Variants in DLGAP1 observed in about 807,000 individuals in gnomAD.
DLGAP1 encodes the protein DLG associated protein 1.
Under a neutral mutation model 90.8 loss-of-function variants are expected in DLGAP1, and 11 were observed. That is an observed-to-expected ratio of 0.12 (90% CI 0.08 to 0.20). The LOEUF is 0.20. DLGAP1 is among the 10% of genes least tolerant of loss of function. DLGAP1 has a pLI of 1.00. For synonymous variants in DLGAP1, 558 were observed against 540.7 expected (o/e 1.03, Z -0.44); for missense variants, 1,050 against 1,333.8 (o/e 0.79, Z 3.31).
chr18:3,845,741 T>C (rs1268671001), intron 4 of DLGAP1: 3 of 367,290 alleles, frequency 8.2e-6, no homozygotes, highest in Admixed American at 6.5e-5. Flanking sequence ...TGCCTGATTG[T>C]CTGACTAGTG....
intron 2 of DLGAP1, among the ~76,000 whole-genome samples, chr18:4,103,099 A>C (rs970026206): frequency 6.6e-6 from 1 of 152,206 alleles, no homozygotes; most frequent in Non-Finnish European, 1.5e-5. Context: ...TGGCGGAGAA[A>C]GTGTTTCCAT....
At chr18:3,779,772 T>A (rs1263449790) in intron 5 of DLGAP1, among the ~76,000 whole-genome samples, 309 of 151,934 alleles carry the variant, frequency 2.0e-3, no homozygotes, top group Non-Finnish European at 3.7e-3. Context: ...CCCTTTTTTT[T>A]TTTTTACTCT....
chr18:4,208,161 A>C (rs1442438238), intron 1 of DLGAP1, among the ~76,000 whole-genome samples: 1 of 152,196 alleles, frequency 6.6e-6, no homozygotes, highest in Non-Finnish European at 1.5e-5. Flanking sequence ...AAAACATAAA[A>C]TCTCTGCCAT....
chr18:3,743,415 C>CAT (rs1211546981), intron 5 of DLGAP1, among the ~76,000 whole-genome samples: 1 of 151,384 alleles, frequency 6.6e-6, no homozygotes, highest in Non-Finnish European at 1.5e-5. Context: ...AGTGCAGTGG[C>CAT]GCAACTTTGG....
intron 1 of DLGAP1, among the ~76,000 whole-genome samples, chr18:4,444,859 A>G (rs1567929130): frequency 3.9e-5 from 6 of 152,232 alleles, no homozygotes; most frequent in Admixed American, 3.3e-4. Flanking sequence ...AAAAACTTTG[A>G]TATGTAAGAC....
chr18:3,534,255 G>T lies in DLGAP1; in HGVS notation c.2418C>A (p.Arg806=). The change falls in exon 10 of 13, where the codon CGC becomes CGA. Residue 806 remains arginine (R), a synonymous_variant. Transcript: ENST00000315677. The part of the protein sequence containing the change: ...FLKLLQAERD[R]MEGWCQQMER... ...CCATCTGTTGACACCACCCCTCCAT[G>T]CGGTCTCGCTCTGCCTGGAGAAGCT... is the stretch of plus-strand genomic sequence containing the variant. 3 of 1,614,232 alleles carry T rather than the reference G, an allele frequency of 1.9e-6. No individual in the cohort carries two copies. Among genetic ancestry groups the T allele is most frequent in the Non-Finnish European group, 2.5e-6 (3 of 1,180,036 alleles).
intron 5 of DLGAP1, 100 bp downstream of exon 5, chr18:3,813,959 G>A (rs1165324829): frequency 3.5e-6 from 4 of 1,155,444 alleles, no homozygotes; most frequent in Non-Finnish European, 5.2e-6. Flanking sequence ...TCCACCTGTA[G>A]GATGTTTCTG....
At chr18:3,740,681 C>T (rs1323259779) in intron 6 of DLGAP1, among the ~76,000 whole-genome samples, 1 of 152,020 alleles carries the variant, frequency 6.6e-6, no homozygotes, top group Non-Finnish European at 1.5e-5. Flanking sequence ...TTCATCTATA[C>T]CAGCACCACA....
intron 2 of DLGAP1, among the ~76,000 whole-genome samples, chr18:4,046,496 T>G (rs1374838347): frequency 6.6e-6 from 1 of 152,248 alleles, no homozygotes. Context: ...AGTTCTCAAC[T>G]ATGCCCAGGG....
rs114900172 is a variant in DLGAP1, at chr18:3,532,155, C to T, written c.2479+2039G>A. On this transcript the variant is annotated intron_variant, in intron 10 of 12. Coordinates refer to ENST00000315677, the MANE Select transcript of DLGAP1 (RefSeq NM_004746.4). ...CAGGTATGAGCCACCACACCTGGTG[C>T]TGGATTTTCTTAAAAATACTCTGAC... Among the ~76,000 whole-genome samples the T allele has an allele frequency of 7.5e-3, 1,138 of 151,964 alleles. 16 individuals carry two copies. Among genetic ancestry groups the T allele is most frequent in the African/African-American group, 0.026 (1,088 of 41,486 alleles).
chr18:3,818,842 C>A (rs28421540), intron 4 of DLGAP1, among the ~76,000 whole-genome samples: 98,094 of 150,394 alleles, frequency 0.65, 32,287 homozygotes, highest in Non-Finnish European at 0.71. Context: ...GATCTGCCTG[C>A]CTCGGCCTCC....
At chr18:3,630,864 C>CACA (rs966360071) in intron 7 of DLGAP1, among the ~76,000 whole-genome samples, 36 of 152,156 alleles carry the variant, frequency 2.4e-4, no homozygotes, top group African/African-American at 7.0e-4. Flanking sequence ...AAAACTAAAA[C>CACA]ACAACAACAA....
intron 4 of DLGAP1, among the ~76,000 whole-genome samples, chr18:3,851,900 A>T (rs530878537): frequency 6.6e-6 from 1 of 152,278 alleles, no homozygotes; most frequent in African/African-American, 2.4e-5. Context: ...TTACTGGTAC[A>T]CTGCTGGAGG....
At chr18:4,018,109 T>C (rs1030975344) in intron 2 of DLGAP1, among the ~76,000 whole-genome samples, 1 of 152,200 alleles carries the variant, frequency 6.6e-6, no homozygotes, top group Non-Finnish European at 1.5e-5. Flanking sequence ...ACTGTGAAGA[T>C]TGGCTATGAC....
In DLGAP1 at chr18:3,534,567, G is replaced by T. The variant is rs373443663; in HGVS notation, c.2106C>A (p.Ala702=). The change falls in exon 10 of 13, where the codon GCC becomes GCA. Residue 702 remains alanine (A), a synonymous_variant. Transcript: ENST00000315677. ...RSNSVTTAVQ[A]DLDFHDNLEN... ...CCAGATTATCATGGAAGTCCAGGTC[G>T]GCCTGTACTGCTGTCGTCACACTGT... The T allele has an allele frequency of 1.2e-6, 2 of 1,611,894 alleles. No individual in the cohort carries two copies. Among genetic ancestry groups the T allele is most frequent in the Middle Eastern group, 1.7e-4 (1 of 6,044 alleles).
chr18:4,052,205 C>T (rs1247978165), intron 2 of DLGAP1, among the ~76,000 whole-genome samples: 1 of 152,242 alleles, frequency 6.6e-6, no homozygotes, highest in African/African-American at 2.4e-5. Flanking sequence ...CCACTGGTGA[C>T]TCTGTGGGGA....
chr18:3,741,091 C>CCT (rs2062940281), intron 6 of DLGAP1, among the ~76,000 whole-genome samples: 1 of 128,294 alleles, frequency 7.8e-6, no homozygotes, highest in East Asian at 2.5e-4. Context: ...ATCACCATCA[C>CCT]CACCACCACC....
At chr18:3,709,886 G>C (rs543258598) in intron 7 of DLGAP1, among the ~76,000 whole-genome samples, 1 of 152,260 alleles carries the variant, frequency 6.6e-6, no homozygotes, top group East Asian at 1.9e-4. Context: ...ATGGGCATAA[G>C]GGTATGATCT....
intron 5 of DLGAP1, among the ~76,000 whole-genome samples, chr18:3,797,831 T>C (rs1286575531): frequency 6.6e-6 from 1 of 152,146 alleles, no homozygotes; most frequent in Non-Finnish European, 1.5e-5. Context: ...CCAAATCTCA[T>C]CTTGAATAGT....
Sources: allele counts gnomAD v4.1 joint callset (sites outside exome capture counted in the v4.1 genomes callset), GRCh38; gene constraint gnomAD v4.1.1; transcripts MANE v1.5; gene names NCBI Gene and HGNC (gene_info 2026-07-23, HGNC 2026-07-21).